CENPC: variants seen among roughly 807,000 people sequenced by gnomAD.
CENPC encodes the protein centromere protein C.
Under a neutral mutation model 112.1 loss-of-function variants are expected in CENPC, and 63 were observed. The ratio of observed to expected loss-of-function variants is 0.56; its 90% CI spans 0.46 to 0.69. The LOEUF is 0.69. Ranked by LOEUF, CENPC falls within the 30% of genes least tolerant of loss-of-function variation. The pLI is 0.00. For missense variants in CENPC, 1,000 were observed against 1,103.8 expected, an observed-to-expected ratio of 0.91 and a Z score of 1.33; for synonymous variants, 333 against 367.6, an observed-to-expected ratio of 0.91 and a Z score of 1.08.
intron 12 of CENPC, 185 bp downstream of exon 12, chr4:67,505,020 A>G (rs1381620878): frequency 1.8e-6 from 1 of 563,226 alleles, no homozygotes; most frequent in African/African-American, 1.9e-5. Flanking sequence ...TACTTAAAAA[A>G]CTGTCACTCA....
chr4:67,481,801 TA>T (rs1166678478), intron 17 of CENPC, among the ~76,000 whole-genome samples: 1 of 152,232 alleles, frequency 6.6e-6, no homozygotes, highest in African/African-American at 2.4e-5. Context: ...ATGAAAATTC[TA>T]AAAGATAACA....
chr4:67,490,091 A>T lies in CENPC; in HGVS notation c.2546T>A (p.Phe849Tyr), dbSNP rs934672543. 1.2e-6 allele frequency: 2 copies of T among 1,608,782 alleles called. No homozygotes were observed. Among genetic ancestry groups the T allele is most frequent in the Non-Finnish European group, 1.7e-6 (2 of 1,177,872 alleles). The stretch of plus-strand genomic sequence containing the variant: ...CTTCAACTCACCATGCTTAACAAAA[A>T]ATTGATATGTATCTTGTGGCCTTAC... ...DLVRPQDTYQ[F>Y]FVKHGELKVY... The change falls in exon 17 of 19, where the codon TTT (phenylalanine) becomes TAT (tyrosine). Residue 849 changes from phenylalanine (F) to tyrosine (Y), a missense_variant. Transcript: ENST00000273853.
At chr4:67,484,128 C>A (rs183787184) in intron 17 of CENPC, among the ~76,000 whole-genome samples, 1 of 152,124 alleles carries the variant, frequency 6.6e-6, no homozygotes, top group Non-Finnish European at 1.5e-5. Context: ...ATAAGGGTAA[C>A]ATTTATCTTT....
At position 67,486,965 on chromosome 4, in the gene CENPC, TA is replaced by T. The variant is rs1238784878; in HGVS notation, c.2670+3001del. 2.0e-3 allele frequency among the ~76,000 whole-genome samples: 187 copies of T among 93,116 alleles called. 5 individuals carry two copies. Among genetic ancestry groups the T allele is most frequent in the Middle Eastern group, 5.5e-3 (1 of 182 alleles). 61.1% of individuals were successfully genotyped at this position (93,116 alleles called of 152,430 possible). A position where few individuals can be genotyped will look rare whatever the true frequency, so the allele number is the denominator to read the frequency against. ...CAGATTCAGGTTTTGTATTTGCTTT[TA>T]GGTTTTTTTTTTTTTTTTTCTTTTT... On this transcript the variant is annotated intron_variant, in intron 17 of 18. Transcript: ENST00000273853.
intron 12 of CENPC, 42 bp downstream of exon 12, chr4:67,505,163 T>C: frequency 7.3e-7 from 1 of 1,367,004 alleles, no homozygotes; most frequent in Non-Finnish European, 1.0e-6. Context: ...TCCATATTCA[T>C]AATGCCATAA....
chr4:67,543,609 C>G (rs1036856090), intron 2 of CENPC, among the ~76,000 whole-genome samples: 1 of 152,172 alleles, frequency 6.6e-6, no homozygotes, highest in African/African-American at 2.4e-5. Flanking sequence ...AAAGAACATA[C>G]TTCTGTGCCC....
At chr4:67,544,547 T>C (rs1015451299) in intron 1 of CENPC, among the ~76,000 whole-genome samples, 1 of 152,202 alleles carries the variant, frequency 6.6e-6, no homozygotes, top group Non-Finnish European at 1.5e-5. Flanking sequence ...CGTCACATAA[T>C]GGGAGATCAT....
At chr4:67,472,978 T>TA (rs1441564440) in intron 18 of CENPC, among the ~76,000 whole-genome samples, 3 of 152,236 alleles carry the variant, frequency 2.0e-5, no homozygotes, top group African/African-American at 7.2e-5. Flanking sequence ...TTATTAGGTC[T>TA]ACAGAACTGC....
chr4:67,532,867 G>A (rs1726599563), intron 4 of CENPC, among the ~76,000 whole-genome samples: 1 of 152,142 alleles, frequency 6.6e-6, no homozygotes, highest in Non-Finnish European at 1.5e-5. Flanking sequence ...TGCACGTTGT[G>A]CACATGTACC....
At position 67,471,138 on chromosome 4, in the gene CENPC, T is replaced by G. The variant is rs933052482; in HGVS notation, c.*1467A>C. The G allele has an allele frequency of 2.6e-5, 4 of 152,232 alleles. No homozygotes were observed. Among genetic ancestry groups the G allele is most frequent in the African/African-American group, 9.6e-5 (4 of 41,458 alleles). The allele number at this position is 152,232 out of a possible 1,614,324, so 9.4% of individuals were successfully genotyped here. A position where few individuals can be genotyped will look rare whatever the true frequency, so the allele number is the denominator to read the frequency against. ...GACTCAAGTGTTTGATCTTAACCTT[T>G]GTCCAAATGATTGGCTGACTGCTAA... On this transcript the variant is annotated 3_prime_UTR_variant, in exon 19 of 19. Transcript: ENST00000273853.
intron 12 of CENPC, among the ~76,000 whole-genome samples, chr4:67,500,082 A>G (rs1725549976): frequency 6.6e-6 from 1 of 152,152 alleles, no homozygotes; most frequent in Non-Finnish European, 1.5e-5. Flanking sequence ...ACAAATCACC[A>G]TAAAAGACAT....
rs1182698513 is a variant in CENPC, at chr4:67,493,893, T to G, written c.2281A>C (p.Arg761=). The G allele has an allele frequency of 1.5e-5, 24 of 1,609,972 alleles. No homozygotes were observed. Among genetic ancestry groups the G allele is most frequent in the Non-Finnish European group, 2.0e-5 (23 of 1,177,242 alleles). The part of the protein sequence containing the change: ...WRGERIDYQG[R]PSGGFVISGV... ...CATAAATAAGTTTTACCTGATGGCC[T>G]TCCTTGATAATCTATTCGCTCTCCT... The change falls in exon 14 of 19, where the codon AGG becomes CGG. Residue 761 remains arginine, a synonymous_variant. Coordinates refer to ENST00000273853, the MANE Select transcript of CENPC (RefSeq NM_001812.4).
intron 17 of CENPC, among the ~76,000 whole-genome samples, chr4:67,487,119 T>C (rs936979343): frequency 9.2e-5 from 14 of 152,104 alleles, no homozygotes; most frequent in African/African-American, 2.9e-4. Context: ...TAGATCCCAA[T>C]AGCTTATCAG....
rs546155032 is a variant in CENPC at position 67,511,304 on chromosome 4, G to A, written c.1612+1098C>T. Among the ~76,000 whole-genome samples the A allele has an allele frequency of 3.9e-5, 6 of 152,110 alleles. No homozygotes were observed. In the South Asian group the frequency reaches 8.3e-4, roughly 21 times the overall value. On this transcript the variant is annotated intron_variant, in intron 9 of 18. Transcript: ENST00000273853. ...TGATTTAATAATTCATAGCAATAAG[G>A]CCTCACATATACAATGCCATAGTTG...
In CENPC at chr4:67,493,009, C is replaced by CA. The variant is rs1431620966; in HGVS notation, c.2291-13dup. ...AATCACGAATCCTCCTGAAATTTAA[C>CA]AAAAAAAGTAAAATATACATGGGAA... is the stretch of plus-strand genomic sequence containing the variant. On this transcript the variant is annotated splice_polypyrimidine_tract_variant and intron_variant, in intron 14 of 18. Transcript: ENST00000273853. 4.7e-6 allele frequency: 7 copies of CA among 1,503,062 alleles called. No homozygotes were observed. The highest frequency in any genetic ancestry group is 5.4e-5 in the Admixed American group (2 of 36,710). The allele number at this position is 1,503,062 out of a possible 1,614,324, so 93.1% of individuals were successfully genotyped here.
intron 17 of CENPC, among the ~76,000 whole-genome samples, chr4:67,489,221 C>T (rs1252300723): frequency 1.4e-5 from 2 of 139,942 alleles, no homozygotes; most frequent in African/African-American, 5.1e-5. Context: ...CACACACACA[C>T]ATACACACAT....
intron 4 of CENPC, among the ~76,000 whole-genome samples, chr4:67,532,536 G>A (rs1237844859): frequency 1.3e-5 from 2 of 152,144 alleles, no homozygotes; most frequent in Non-Finnish European, 2.9e-5. Context: ...AGAAAATGTG[G>A]CACATATACA....
In CENPC at chr4:67,514,262, T is replaced by C. The variant is rs780067290; in HGVS notation, c.1256A>G (p.Gln419Arg). 5 of 1,611,810 alleles carry C rather than the reference T, an allele frequency of 3.1e-6. No individual in the cohort carries two copies. Among genetic ancestry groups the C allele is most frequent in the African/African-American group, 2.7e-5 (2 of 74,926 alleles). ...AGCCATGAATTTTCTTCTCTGTTTT[T>C]GTTTTATAGTCCTTTTGCTTCTAGA... ...KPSRSKRTIK[Q>R]KQRRKFMAKP... The change falls in exon 8 of 19, where the codon CAA becomes CGA. Residue 419 changes from glutamine to arginine, a missense_variant. Transcript: ENST00000273853.
At chr4:67,502,580 G>A (rs1185587569) in intron 12 of CENPC, among the ~76,000 whole-genome samples, 1 of 152,170 alleles carries the variant, frequency 6.6e-6, no homozygotes, top group African/African-American at 2.4e-5. Context: ...AAAGACTACA[G>A]AAAATACAAG....
Sources: gnomAD v4.1 joint callset for allele counts (sites outside exome capture counted in the v4.1 genomes callset) on GRCh38, gnomAD v4.1.1 for gene constraint, MANE v1.5 for transcripts, NCBI Gene and HGNC (gene_info 2026-07-23, HGNC 2026-07-21) for gene names.